Variants in SHKBP1 observed in about 807,000 individuals in gnomAD.
The protein encoded by SHKBP1 is SH3KBP1-binding protein 1.
Under a neutral mutation model 83.9 loss-of-function variants are expected in SHKBP1, and 71 were observed. The ratio of observed to expected loss-of-function variants is 0.85; its 90% CI spans 0.70 to 1.03. The LOEUF (loss-of-function observed/expected upper bound fraction) is 1.03, where lower values mean the gene tolerates loss of function less well. Among genes scored for constraint, SHKBP1 ranks in the 50% least tolerant of loss-of-function variants. SHKBP1 has a pLI of 0.00. For synonymous variants in SHKBP1, 371 were observed against 398.0 expected, an observed-to-expected ratio of 0.93 and a Z score of 0.81; for missense variants, 824 against 982.4, an observed-to-expected ratio of 0.84 and a Z score of 2.16.
intron 12 of SHKBP1, 184 bp from the exon 13 acceptor site, chr19:40,586,590 C>T (rs1014058765): frequency 2.1e-5 from 10 of 466,552 alleles, no homozygotes; most frequent in Admixed American, 4.3e-5. Flanking sequence ...TGGTCTTGAA[C>T]GCCTGACCTC....
At chr19:40,588,089 C>G (rs918732164) in intron 13 of SHKBP1, among the ~76,000 whole-genome samples, 4 of 152,076 alleles carry the variant, frequency 2.6e-5, no homozygotes, top group Non-Finnish European at 5.9e-5. Flanking sequence ...GACAAGCATT[C>G]AGGCCGAGGG....
chr19:40,590,707 G>A lies in SHKBP1; in HGVS notation c.1769-23G>A, dbSNP rs2081351572. ...CCCTATGACCCCTGTCTTGCCCCCT[G>A]ACCCTGCTTCCGTGCCCCCCAGCAG... is the stretch of plus-strand genomic sequence containing the variant. On this transcript the variant is annotated intron_variant, in intron 16 of 17. Coordinates refer to ENST00000291842, the MANE Select transcript of SHKBP1 (RefSeq NM_138392.4). This position sits in a 1 kb window ranked among gnomAD's most constrained non-coding sequence, Gnocchi z 4.6. 3.9e-6 allele frequency: 6 copies of A among 1,539,202 alleles called. 1 individual carries two copies. In the South Asian group the frequency reaches 7.1e-5, roughly 18 times the overall value.
At chr19:40,580,270 G>C in intron 6 of SHKBP1, 54 bp from the exon 7 acceptor site, 1 of 1,573,836 alleles carries the variant, frequency 6.4e-7, no homozygotes. Context: ...AGTGCTTGCT[G>C]TGTGACAGCC....
In SHKBP1 at chr19:40,577,407, G is replaced by A. The variant is rs1209742361; in HGVS notation, c.152G>A (p.Gly51Glu). 2 of 1,613,606 alleles carry A rather than the reference G, an allele frequency of 1.2e-6. No individual in the cohort carries two copies. Among genetic ancestry groups the A allele is most frequent in the Non-Finnish European group, 1.7e-6 (2 of 1,179,904 alleles). The part of the protein sequence containing the change: ...PDSFFSSLLS[G>E]RISTLKDETG... Reference sequence around the variant, plus strand: ...TCCCTTCCCTGCAGTCTTCTGAGCGGACGCATCTCGACGCTGAAAGATGAG... The same window carrying A: ...TCCCTTCCCTGCAGTCTTCTGAGCGAACGCATCTCGACGCTGAAAGATGAG... The change falls in exon 3 of 18, where the codon GGA becomes GAA. Residue 51 changes from glycine to glutamate, a missense_variant. This residue lies in a region of SHKBP1 where 355 missense variants were observed against 386.4 expected (regional missense o/e 0.92). Coordinates refer to ENST00000291842, the MANE Select transcript of SHKBP1 (RefSeq NM_138392.4).
Position 40,582,499 on chromosome 19 carries a change from C to A in SHKBP1, c.960+33C>A, listed in dbSNP as rs766643110. 4 of 1,589,710 alleles carry A rather than the reference C, an allele frequency of 2.5e-6. No individual in the cohort carries two copies. In the African/African-American group the frequency reaches 4.0e-5, roughly 16 times the overall value. On this transcript the variant is annotated intron_variant, in intron 10 of 17. Transcript: ENST00000291842. The stretch of plus-strand genomic sequence containing the variant: ...TTCTGGCCAGCCTGGCTGCCCCCTT[C>A]CCAGTTTTCCAGACTGTACAGACCC...
chr19:40,582,898 T>C (rs1325180849), intron 10 of SHKBP1, among the ~76,000 whole-genome samples: 1 of 148,726 alleles, frequency 6.7e-6, no homozygotes, highest in African/African-American at 2.5e-5. Flanking sequence ...CAAATAGAAA[T>C]AGAAAATCAG....
Position 40,580,616 on chromosome 19 carries a change from T to C in SHKBP1, c.613T>C (p.Trp205Arg). 6.2e-7 allele frequency: 1 copy of C among 1,614,150 alleles called. No individual in the cohort carries two copies. Among genetic ancestry groups the C allele is most frequent in the Non-Finnish European group, 8.5e-7 (1 of 1,180,034 alleles). Residue 205 changes from tryptophan to arginine, a missense_variant, in exon 8 of 18, where the codon TGG becomes CGG. Around this residue, in one of 3 missense-constraint regions of SHKBP1, gnomAD observed 355 missense variants for 386.4 expected, o/e 0.92. Coordinates refer to ENST00000291842, the MANE Select transcript of SHKBP1 (RefSeq NM_138392.4). ...GCGCCTGGTGTGTGGACACCATAAT[T>C]GGATCGCTGTGGCCTATACCCAGTT... ...MVRLVCGHHN[W>R]IAVAYTQFLV... is the part of the protein sequence containing the mutation.
Position 40,583,606 on chromosome 19 carries a change from C to T in SHKBP1, c.1054C>T (p.Gln352Ter), listed in dbSNP as rs2081288098. Residue 352 changes from glutamine to a stop codon, truncating the protein, a stop_gained, in exon 12 of 18, where the codon CAG becomes TAG. Transcript: ENST00000291842. LOFTEE classifies it high-confidence loss of function. Reference protein sequence around the residue: ...NNGSIYYVDVQKFPLRMKDND... With the variant: ...NNGSIYYVDV ...ACCCTCCCTGCCCACCCCAGATGTG[C>T]AGAAGTTCCCCTTGCGCATGAAAGA... 1.4e-6 allele frequency: 2 copies of T among 1,459,762 alleles called. No individual in the cohort carries two copies. Among genetic ancestry groups the T allele is most frequent in the Non-Finnish European group, 1.9e-6 (2 of 1,050,858 alleles). 90.4% of individuals were successfully genotyped at this position (1,459,762 alleles called of 1,614,324 possible). A position where few individuals can be genotyped will look rare whatever the true frequency, so the allele number is the denominator to read the frequency against.
At chr19:40,587,897 C>A (rs1476555676) in intron 13 of SHKBP1, among the ~76,000 whole-genome samples, 1 of 152,108 alleles carries the variant, frequency 6.6e-6, no homozygotes, top group Non-Finnish European at 1.5e-5. Flanking sequence ...AAGCAAGACT[C>A]TATCTCATAA....
intron 14 of SHKBP1, 90 bp downstream of exon 14, chr19:40,588,869 C>T: frequency 1.3e-6 from 2 of 1,518,090 alleles, no homozygotes. Context: ...GGCCACCTGA[C>T]CCAGGAGCCT....
chr19:40,578,804 AG>A lies in SHKBP1; in HGVS notation c.400+269del, dbSNP rs370946552. The stretch of plus-strand genomic sequence containing the variant: ...TGTAGTCCGGGTTTGGTTTCTTTGT[AG>A]GGGGGGCTTTGGAAGACCTGGGATT... On this transcript the variant is annotated intron_variant, in intron 6 of 17. Transcript: ENST00000291842. Among the ~76,000 whole-genome samples the A allele has an allele frequency of 1.3e-4, 20 of 152,100 alleles. No homozygotes were observed. In the East Asian group the frequency reaches 2.3e-3, roughly 18 times the overall value.
At position 40,590,264 on chromosome 19, in the gene SHKBP1, T is replaced by G; in HGVS notation, c.1610T>G (p.Val537Gly). The G allele has an allele frequency of 6.2e-7, 1 of 1,601,946 alleles. No homozygotes were observed. The highest frequency in any genetic ancestry group is 2.3e-5 in the East Asian group (1 of 44,342). Residue 537 changes from valine (V) to glycine (G), a missense_variant, in exon 16 of 18, where the codon GTG becomes GGG. By Grantham distance (109) the Val-to-Gly change is moderately radical. Around this residue, in one of 3 missense-constraint regions of SHKBP1, gnomAD observed 287 missense variants for 322.9 expected, o/e 0.89. Transcript: ENST00000291842. The surrounding 1 kb of genome is among the most constrained non-coding windows in gnomAD (Gnocchi z 4.6). Reference sequence around the variant, plus strand: ...CCCAGGGTGTGCTCCGTGCGCTCCGTGGACGGCTCACCCACGACAGCCTTC... The same window carrying G: ...CCCAGGGTGTGCTCCGTGCGCTCCGGGGACGGCTCACCCACGACAGCCTTC... ...TGQRVCSVRSVDGSPTTAFTV... is the reference protein window; with the variant it reads ...TGQRVCSVRSGDGSPTTAFTV...
At position 40,577,444 on chromosome 19, in the gene SHKBP1, G is replaced by A. The variant is rs1438466843; in HGVS notation, c.186+3G>A. 1 of 1,613,432 alleles carries A rather than the reference G, an allele frequency of 6.2e-7. No individual in the cohort carries two copies. The highest frequency in any genetic ancestry group is 1.7e-5 in the Admixed American group (1 of 60,004). On this transcript the variant is annotated splice_donor_region_variant and intron_variant, in intron 3 of 17. Coordinates refer to ENST00000291842, the MANE Select transcript of SHKBP1 (RefSeq NM_138392.4). ...CGCTGAAAGATGAGACCGGAGCAGTGAGTCGGACAAGAACTGAAATGGGAT... is the reference window on the plus strand; with the variant it reads ...CGCTGAAAGATGAGACCGGAGCAGTAAGTCGGACAAGAACTGAAATGGGAT...
chr19:40,587,556 A>C (rs867151908), intron 13 of SHKBP1, among the ~76,000 whole-genome samples: 17 of 152,204 alleles, frequency 1.1e-4, no homozygotes, highest in African/African-American at 4.1e-4. Flanking sequence ...ATGCTACTGC[A>C]CTCCAGCCTA....
rs2081357626 is a variant in SHKBP1 at position 40,591,165 on chromosome 19, C to T, written c.2082C>T (p.Pro694=). ...APWPSSGLGT[P]LTPPKMKLNE... ...GGCCCTCCAGCGGTCTCGGCACTCCCCTCACACCTCCCAAGATGAAGCTCA... is the reference window on the plus strand; with the variant it reads ...GGCCCTCCAGCGGTCTCGGCACTCCTCTCACACCTCCCAAGATGAAGCTCA... Residue 694 remains proline, a synonymous_variant, in exon 18 of 18, where the codon CCC becomes CCT. Coordinates refer to ENST00000291842, the MANE Select transcript of SHKBP1 (RefSeq NM_138392.4). 6.3e-7 allele frequency: 1 copy of T among 1,598,556 alleles called. No homozygotes were observed. The highest frequency in any genetic ancestry group is 1.3e-5 in the African/African-American group (1 of 74,726).
At position 40,580,739 on chromosome 19, in the gene SHKBP1, C is replaced by T. The variant is rs775002440; in HGVS notation, c.654-7C>T. ...TGAGGGTTGGTGATGTCCCCTCGAT[C>T]CTACAGGTTGAAGGAAGCCTCTGGC... On this transcript the variant is annotated splice_polypyrimidine_tract_variant and splice_region_variant and intron_variant, in intron 8 of 17. Transcript: ENST00000291842. 1 of 1,612,132 alleles carries T rather than the reference C, an allele frequency of 6.2e-7. No individual in the cohort carries two copies. Among genetic ancestry groups the T allele is most frequent in the East Asian group, 2.2e-5 (1 of 44,846 alleles).
rs1033349696 is a variant in SHKBP1, at chr19:40,577,087, G to C, written c.86+102G>C. On this transcript the variant is annotated intron_variant, in intron 1 of 17. Transcript: ENST00000291842. ...ATCCCTGTCCATCAAGGGTTGCTCC[G>C]CCCCCCCCCCCTTTGGAGGCGCGAG... 15 of 1,048,868 alleles carry C rather than the reference G, an allele frequency of 1.4e-5. No homozygotes were observed. In the South Asian group the frequency reaches 2.0e-4, roughly 14 times the overall value. 65.0% of individuals were successfully genotyped at this position (1,048,868 alleles called of 1,614,324 possible). A position where few individuals can be genotyped will look rare whatever the true frequency, so the allele number is the denominator to read the frequency against.
At chr19:40,587,742 A>G (rs1377957935) in intron 13 of SHKBP1, among the ~76,000 whole-genome samples, 1 of 152,114 alleles carries the variant, frequency 6.6e-6, no homozygotes, top group Non-Finnish European at 1.5e-5. Context: ...TTCTACAAAA[A>G]ATTTTTAAAA....
In SHKBP1 at chr19:40,580,323, G is replaced by C; in HGVS notation, c.401-1G>C. On this transcript the variant is annotated splice_acceptor_variant, in intron 6 of 17. Transcript: ENST00000291842. LOFTEE classifies it high-confidence loss of function. ...TACTCTACCTCTTATTCTCACTGTA[G>C]TGTTCCCAGTGAAGCGGCGGAACCG... The C allele has an allele frequency of 6.2e-7, 1 of 1,613,548 alleles. No homozygotes were observed. Among genetic ancestry groups the C allele is most frequent in the Non-Finnish European group, 8.5e-7 (1 of 1,179,536 alleles).
Sources: allele counts gnomAD v4.1 joint callset (sites outside exome capture counted in the v4.1 genomes callset), GRCh38; gene constraint gnomAD v4.1.1; regional missense constraint gnomAD v4.1.1; non-coding constraint Gnocchi (gnomAD v3.1); transcripts MANE v1.5; gene names NCBI Gene and HGNC (gene_info 2026-07-23, HGNC 2026-07-21).